The following PLA2G12A variants were observed in gnomAD, a reference collection of about 807,000 sequenced individuals.
PLA2G12A encodes group XIIA secretory phospholipase A2.
In PLA2G12A, 11 loss-of-function variants were observed where a neutral mutation model predicts 16.0. The ratio of observed to expected loss-of-function variants is 0.69; its 90% CI spans 0.43 to 1.13. The LOEUF (loss-of-function observed/expected upper bound fraction) is 1.13, where lower values mean the gene tolerates loss of function less well. PLA2G12A is among the 50% of genes most tolerant of loss of function. PLA2G12A has a pLI of 0.00. For synonymous variants in PLA2G12A, 77 were observed against 93.8 expected (o/e 0.82, Z 1.03); for missense variants, 214 against 237.3 (o/e 0.90, Z 0.65).
intron 1 of PLA2G12A, among the ~76,000 whole-genome samples, chr4:109,722,425 T>C (rs1368995261): frequency 6.6e-6 from 1 of 152,220 alleles, no homozygotes; most frequent in Non-Finnish European, 1.5e-5. Context: ...GGTGGGACTA[T>C]TGGAGGTGAT....
intron 1 of PLA2G12A, 108 bp downstream of exon 1, chr4:109,729,494 A>G (rs1723004392): frequency 8.2e-7 from 1 of 1,225,566 alleles, no homozygotes; most frequent in Admixed American, 2.5e-5. Flanking sequence ...CCACAGCCGA[A>G]GGACACCGTC....
At position 109,714,272 on chromosome 4, in the gene PLA2G12A, T is replaced by G; in HGVS notation, c.*105A>C. ...TATAAATTATTTTAAGGTCTCAAAA[T>G]AATCCTTTCACAAAAATAAGACAGT... On this transcript the variant is annotated 3_prime_UTR_variant, in exon 4 of 4. Coordinates refer to ENST00000243501, the MANE Select transcript of PLA2G12A (RefSeq NM_030821.5). 2 of 847,182 alleles carry G rather than the reference T, an allele frequency of 2.4e-6. No homozygotes were observed. Among genetic ancestry groups the G allele is most frequent in the Non-Finnish European group, 3.9e-6 (2 of 513,442 alleles). The allele number at this position is 847,182 out of a possible 1,614,324, so 52.5% of individuals were successfully genotyped here.
intron 3 of PLA2G12A, among the ~76,000 whole-genome samples, chr4:109,714,967 TTG>T (rs1406187714): frequency 6.6e-6 from 1 of 151,726 alleles, no homozygotes; most frequent in African/African-American, 2.4e-5. Context: ...TTTTGTTTGT[TTG>T]TTTGTTTGTT....
At chr4:109,729,026 C>T (rs929915344) in intron 1 of PLA2G12A, among the ~76,000 whole-genome samples, 6 of 152,078 alleles carry the variant, frequency 3.9e-5, no homozygotes, top group Non-Finnish European at 7.3e-5. Flanking sequence ...CGTTAACCAA[C>T]AATGAGGAGG....
At chr4:109,722,756 C>T (rs1722833716) in intron 1 of PLA2G12A, among the ~76,000 whole-genome samples, 1 of 152,234 alleles carries the variant, frequency 6.6e-6, no homozygotes, top group Non-Finnish European at 1.5e-5. Flanking sequence ...CACATATGAC[C>T]TTCTAACATA....
At chr4:109,723,303 T>G (rs187017956) in intron 1 of PLA2G12A, among the ~76,000 whole-genome samples, 66 of 148,872 alleles carry the variant, frequency 4.4e-4, no homozygotes, top group African/African-American at 1.6e-3. Context: ...ATTTTGAGTC[T>G]AAATATAAGA....
intron 1 of PLA2G12A, among the ~76,000 whole-genome samples, chr4:109,720,621 A>G (rs1200514141): frequency 1.7e-5 from 2 of 117,002 alleles, no homozygotes; most frequent in African/African-American, 8.8e-5. Flanking sequence ...ATATATATAT[A>G]TATATATATA....
intron 1 of PLA2G12A, 28 bp downstream of exon 1, chr4:109,729,574 C>A: frequency 6.3e-7 from 1 of 1,597,248 alleles, no homozygotes; most frequent in Non-Finnish European, 8.6e-7. Context: ...AAAGCACGAG[C>A]CCTCGCTGGG....
At chr4:109,725,689 A>C (rs1326523885) in intron 1 of PLA2G12A, among the ~76,000 whole-genome samples, 1 of 152,210 alleles carries the variant, frequency 6.6e-6, no homozygotes, top group African/African-American at 2.4e-5. Flanking sequence ...AAATCTAAAG[A>C]TTTTCATAGA....
chr4:109,717,855 TTC>T, intron 2 of PLA2G12A, 142 bp from the exon 3 acceptor site: 1 of 852,958 alleles, frequency 1.2e-6, no homozygotes, highest in Non-Finnish European at 1.8e-6. Context: ...TACAAATATT[TTC>T]TGTGTTATAA....
chr4:109,725,161 C>T (rs990909566), intron 1 of PLA2G12A, among the ~76,000 whole-genome samples: 1 of 151,890 alleles, frequency 6.6e-6, no homozygotes, highest in African/African-American at 2.4e-5. Context: ...CAATAAATTA[C>T]CAGATTAAAA....
Position 109,721,199 on chromosome 4 carries a change from C to T in PLA2G12A, c.209-2440G>A, listed in dbSNP as rs531975997. ...ATAGCACTTCGTCTTGTTTCTCCAG[C>T]CCTGTCCATAAGGAAGGGTTGTTTC... On this transcript the variant is annotated intron_variant, in intron 1 of 3. Transcript: ENST00000243501. Among the ~76,000 whole-genome samples the T allele has an allele frequency of 2.4e-3, 372 of 152,326 alleles. 3 individuals carry two copies. Among genetic ancestry groups the T allele is most frequent in the African/African-American group, 8.5e-3 (354 of 41,568 alleles).
chr4:109,711,057 T>C lies in PLA2G12A; in HGVS notation c.*3320A>G, dbSNP rs1476944626. The C allele has an allele frequency of 6.9e-6, 1 of 145,186 alleles. No individual in the cohort carries two copies. Among genetic ancestry groups the C allele is most frequent in the Non-Finnish European group, 1.5e-5 (1 of 66,256 alleles). 9.0% of individuals were successfully genotyped at this position (145,186 alleles called of 1,614,324 possible). On this transcript the variant is annotated 3_prime_UTR_variant, in exon 4 of 4. Transcript: ENST00000243501. ...CTGCTGACAGTTAGTTCTTGCCTTT[T>C]TTTTTTTTTTTTTTTTTTTGCTCTT...
chr4:109,729,580 C>G (rs779732553), intron 1 of PLA2G12A, 22 bp downstream of exon 1: 1 of 1,600,084 alleles, frequency 6.2e-7, no homozygotes, highest in African/African-American at 1.3e-5. Flanking sequence ...CGAGCCCTCG[C>G]TGGGCCCGGG....
intron 1 of PLA2G12A, among the ~76,000 whole-genome samples, chr4:109,723,812 GAAT>G (rs1208242076): frequency 6.6e-6 from 1 of 152,106 alleles, no homozygotes; most frequent in African/African-American, 2.4e-5. Context: ...CTGGAAACAG[GAAT>G]AATAGTGTAT....
At chr4:109,719,881 A>G (rs1257747427) in intron 1 of PLA2G12A, among the ~76,000 whole-genome samples, 2 of 152,204 alleles carry the variant, frequency 1.3e-5, no homozygotes, top group Admixed American at 6.5e-5. Context: ...GTCGCCGCTA[A>G]CCTTCGATTT....
intron 1 of PLA2G12A, among the ~76,000 whole-genome samples, chr4:109,720,574 CAAAAAAAAAAAAAAA>C (rs61477793): frequency 8.0e-4 from 30 of 37,434 alleles, no homozygotes; most frequent in African/African-American, 2.3e-3. Flanking sequence ...TGTCTGTATT[CAAAAAAAAAAAAAAA>C]AAAAAAAAAA....
rs73838861 is a variant in PLA2G12A, at chr4:109,724,610, T to C, written c.208+4992A>G. Reference sequence around the variant, plus strand: ...ATGTGTATGCATGCGTGTACATATATAGACATTTTCTCATAAGAGATAATT... The same window carrying C: ...ATGTGTATGCATGCGTGTACATATACAGACATTTTCTCATAAGAGATAATT... On this transcript the variant is annotated intron_variant, in intron 1 of 3. Coordinates refer to ENST00000243501, the MANE Select transcript of PLA2G12A (RefSeq NM_030821.5). Among the ~76,000 whole-genome samples, 781 of 152,310 alleles carry C rather than the reference T, an allele frequency of 5.1e-3. 8 individuals are homozygous for C. Among genetic ancestry groups the C allele is most frequent in the African/African-American group, 0.018 (739 of 41,556 alleles).
intron 1 of PLA2G12A, among the ~76,000 whole-genome samples, chr4:109,721,703 A>G (rs1730947749): frequency 6.6e-6 from 1 of 152,176 alleles, no homozygotes; most frequent in Admixed American, 6.5e-5. Context: ...TGGGCATCTC[A>G]AACTTAAGCT....
Sources: gnomAD v4.1 joint callset for allele counts (sites outside exome capture counted in the v4.1 genomes callset) on GRCh38, gnomAD v4.1.1 for gene constraint, MANE v1.5 for transcripts, NCBI Gene and HGNC (gene_info 2026-07-23, HGNC 2026-07-21) for gene names.